The following DMGDH variants were observed in gnomAD, a reference collection of about 807,000 sequenced individuals.
DMGDH encodes the protein dimethylglycine dehydrogenase, also known as dimethylglycine dehydrogenase, mitochondrial.
DMGDH carries 76 observed loss-of-function variants against 95.2 expected under a neutral mutation model. That is an observed-to-expected ratio of 0.80 (90% CI 0.66 to 0.97). The LOEUF is 0.97. Among genes scored for constraint, DMGDH ranks in the 50% least tolerant of loss-of-function variants. The pLI, the probability that DMGDH is intolerant of heterozygous loss-of-function variation, is 0.00. For missense variants in DMGDH, 987 were observed against 1,055.0 expected (o/e 0.94, Z 0.89); for synonymous variants, 345 against 377.6 (o/e 0.91, Z 1.00).
intron 5 of DMGDH, among the ~76,000 whole-genome samples, chr5:79,046,056 G>GTGTTT (rs71974072): frequency 0.21 from 30,340 of 147,638 alleles, 3,228 homozygotes; most frequent in Middle Eastern, 0.26. Context: ...CTATTTGCCG[G>GTGTTT]TGTTTTGTTT....
intron 7 of DMGDH, among the ~76,000 whole-genome samples, chr5:79,033,835 G>A (rs1395005550): frequency 2.0e-5 from 3 of 152,164 alleles, no homozygotes; most frequent in Admixed American, 6.5e-5. Context: ...GGGTGGCTGA[G>A]GCAGGAGGAT....
chr5:79,036,609 T>C (rs1347128217), intron 7 of DMGDH, among the ~76,000 whole-genome samples: 1 of 152,216 alleles, frequency 6.6e-6, no homozygotes, highest in Non-Finnish European at 1.5e-5. Flanking sequence ...GCTGAGGATA[T>C]TCTGCGAGTA....
At chr5:79,042,034 T>C (rs1259164432) in intron 7 of DMGDH, among the ~76,000 whole-genome samples, 2 of 152,152 alleles carry the variant, frequency 1.3e-5, no homozygotes, top group Non-Finnish European at 2.9e-5. Context: ...CAGGAAATCA[T>C]TGCCCTTCTG....
chr5:79,066,759 T>C lies in DMGDH; in HGVS notation c.101+2761A>G, dbSNP rs1040368924. Among the ~76,000 whole-genome samples, 10 of 152,180 alleles carry C rather than the reference T, an allele frequency of 6.6e-5. No individual in the cohort carries two copies. In the South Asian group the frequency reaches 1.4e-3, roughly 22 times the overall value. ...AGCGTATGATGTTGGTTTGTCCTGA[T>C]ATTGGTGTTGTTTCTGTCTGATGAC... On this transcript the variant is annotated intron_variant, in intron 1 of 15. Coordinates refer to ENST00000255189, the MANE Select transcript of DMGDH (RefSeq NM_013391.3).
chr5:79,018,522 G>T (rs1312405851), intron 14 of DMGDH, among the ~76,000 whole-genome samples: 1 of 151,920 alleles, frequency 6.6e-6, no homozygotes, highest in Non-Finnish European at 1.5e-5. Context: ...GAGGCTGTGG[G>T]GAGGGTGGCG....
In DMGDH at chr5:79,054,604, C is replaced by T. The variant is rs374396030; in HGVS notation, c.376-256G>A. ...GTGAACAAGAAAGGTAAAGACTCTG[C>T]CTAAGTGGAATTTATACCCCACAGT... On this transcript the variant is annotated intron_variant, in intron 3 of 15. Coordinates refer to ENST00000255189, the MANE Select transcript of DMGDH (RefSeq NM_013391.3). 1.2e-4 allele frequency among the ~76,000 whole-genome samples: 19 copies of T among 152,266 alleles called. 1 individual carries two copies. The highest frequency in any genetic ancestry group is 6.5e-4 in the Admixed American group (10 of 15,286).
chr5:78,998,074 G>T lies in DMGDH; in HGVS notation c.*8C>A, dbSNP rs191010489. 1 of 1,614,022 alleles carries T rather than the reference G, an allele frequency of 6.2e-7. No individual in the cohort carries two copies. The highest frequency in any genetic ancestry group is 1.1e-5 in the South Asian group (1 of 91,082). On this transcript the variant is annotated 3_prime_UTR_variant, in exon 16 of 16. Transcript: ENST00000255189. The stretch of plus-strand genomic sequence containing the variant: ...ACTCTAATTCAGTTGACTGCTGAAG[G>T]TCTTTTTTCAAGTTTTGTCCTTTCC...
chr5:79,004,531 G>A (rs886851279), intron 15 of DMGDH, among the ~76,000 whole-genome samples: 7 of 152,136 alleles, frequency 4.6e-5, no homozygotes, highest in Non-Finnish European at 7.3e-5. Flanking sequence ...CATGGTCTAA[G>A]CTGGGTGTCC....
chr5:79,060,551 T>G (rs1304154983), intron 2 of DMGDH, among the ~76,000 whole-genome samples: 1 of 152,156 alleles, frequency 6.6e-6, no homozygotes, highest in Non-Finnish European at 1.5e-5. Context: ...TTTATTTTTA[T>G]AGTCTGCCTC....
At chr5:79,031,312 G>A (rs1754170551) in intron 9 of DMGDH, among the ~76,000 whole-genome samples, 1 of 152,192 alleles carries the variant, frequency 6.6e-6, no homozygotes, top group Admixed American at 6.5e-5. Context: ...CAACCAGTCT[G>A]GTGGTTTTCA....
intron 11 of DMGDH, among the ~76,000 whole-genome samples, chr5:79,029,278 A>G (rs142925305): frequency 6.6e-6 from 1 of 152,338 alleles, no homozygotes; most frequent in East Asian, 1.9e-4. Flanking sequence ...TGGAGCATAT[A>G]ATTTGCATCA....
chr5:79,069,498 A>G lies in DMGDH; in HGVS notation c.101+22T>C, dbSNP rs1346835151. On this transcript the variant is annotated intron_variant, in intron 1 of 15. Coordinates refer to ENST00000255189, the MANE Select transcript of DMGDH (RefSeq NM_013391.3). ...CCCCGCAGCCGCCCCGTCGCCTCTG[A>G]GCAGGACGGGGCCCCACTCACCCTT... is the stretch of plus-strand genomic sequence containing the variant. 136 of 1,253,172 alleles carry G rather than the reference A, an allele frequency of 1.1e-4. 1 individual carries two copies. In the East Asian group the frequency reaches 4.1e-3, roughly 38 times the overall value. 77.6% of individuals were successfully genotyped at this position (1,253,172 alleles called of 1,614,324 possible).
At chr5:79,031,531 C>T (rs921869961) in intron 9 of DMGDH, among the ~76,000 whole-genome samples, 6 of 152,208 alleles carry the variant, frequency 3.9e-5, no homozygotes, top group Admixed American at 2.0e-4. Flanking sequence ...CTGCCAGGCT[C>T]GCAGGAGATG....
intron 1 of DMGDH, among the ~76,000 whole-genome samples, chr5:79,065,467 C>T (rs1232981925): frequency 2.6e-5 from 4 of 152,198 alleles, no homozygotes; most frequent in Admixed American, 2.0e-4. Context: ...CTGCCTTGGC[C>T]TCCCAGAGTG....
chr5:79,033,187 T>C, intron 8 of DMGDH, 52 bp downstream of exon 8: 1 of 1,608,116 alleles, frequency 6.2e-7, no homozygotes, highest in Non-Finnish European at 8.5e-7. Flanking sequence ...TCAGAGATGC[T>C]ACAATTCAAT....
At position 79,063,010 on chromosome 5, in the gene DMGDH, T is replaced by G. The variant is rs144763345; in HGVS notation, c.276+603A>C. ...GGAAGGCTGAGGCAAGAGAATCGCT[T>G]GAACCTGGGAGGCGGAAGTTGCAGT... On this transcript the variant is annotated intron_variant, in intron 2 of 15. Transcript: ENST00000255189. 6.8e-3 allele frequency among the ~76,000 whole-genome samples: 1,028 copies of G among 152,190 alleles called. 10 individuals carry two copies. The highest frequency in any genetic ancestry group is 0.023 in the African/African-American group (962 of 41,508).
intron 1 of DMGDH, among the ~76,000 whole-genome samples, chr5:79,064,329 GCAGA>G (rs1755307125): frequency 6.6e-6 from 1 of 151,600 alleles, no homozygotes; most frequent in Admixed American, 6.6e-5. Flanking sequence ...CTCAGACCTA[GCAGA>G]CAGAGTGAGG....
intron 7 of DMGDH, among the ~76,000 whole-genome samples, chr5:79,037,577 C>T (rs1337344300): frequency 6.6e-6 from 1 of 152,154 alleles, no homozygotes; most frequent in African/African-American, 2.4e-5. Context: ...CTTCTCCACC[C>T]ACCTCCCAGT....
At chr5:79,029,619 G>T (rs1321421864) in intron 11 of DMGDH, among the ~76,000 whole-genome samples, 1 of 152,134 alleles carries the variant, frequency 6.6e-6, no homozygotes, top group African/African-American at 2.4e-5. Context: ...AATATTAAGA[G>T]AATTCATTAA....
Sources: gnomAD v4.1 joint callset for allele counts (sites outside exome capture counted in the v4.1 genomes callset) on GRCh38, gnomAD v4.1.1 for gene constraint, MANE v1.5 for transcripts, NCBI Gene and HGNC (gene_info 2026-07-23, HGNC 2026-07-21) for gene names.